The following CSMD3 variants were observed in gnomAD, a reference collection of about 807,000 sequenced individuals.
The protein encoded by CSMD3 is CUB and Sushi multiple domains 3.
A neutral mutation model predicts 435.2 loss-of-function variants in CSMD3; 177 were observed. That is an observed-to-expected ratio of 0.41 (90% confidence interval 0.36 to 0.46). The LOEUF (loss-of-function observed/expected upper bound fraction) is 0.46. Among genes scored for constraint, CSMD3 ranks in the 20% least tolerant of loss-of-function variants. CSMD3 has a pLI of 0.34. For synonymous variants in CSMD3, 1,656 were observed against 1,520.5 expected, an observed-to-expected ratio of 1.09 and a Z score of -2.07; for missense variants, 4,265 against 4,504.6, an observed-to-expected ratio of 0.95 and a Z score of 1.52.
intron 13 of CSMD3, among the ~76,000 whole-genome samples, chr8:112,756,969 A>C (rs947237199): frequency 7.9e-5 from 12 of 151,980 alleles, no homozygotes; most frequent in African/African-American, 2.7e-4. Context: ...AGGTTTCACC[A>C]TGTTGGCCAT....
intron 13 of CSMD3, among the ~76,000 whole-genome samples, chr8:112,698,048 G>T (rs1053288716): frequency 6.6e-5 from 10 of 152,108 alleles, no homozygotes; most frequent in African/African-American, 2.4e-4. Flanking sequence ...CAGAGGTTGA[G>T]GAGATATTAG....
intron 59 of CSMD3, among the ~76,000 whole-genome samples, chr8:112,267,667 G>T (rs1485337798): frequency 6.6e-6 from 1 of 152,114 alleles, no homozygotes; most frequent in African/African-American, 2.4e-5. Flanking sequence ...TAGCCAGCCT[G>T]GTCACAGGGC....
At chr8:112,847,373 T>C (rs950294180) in intron 11 of CSMD3, among the ~76,000 whole-genome samples, 7 of 152,114 alleles carry the variant, frequency 4.6e-5, no homozygotes, top group African/African-American at 1.7e-4. Context: ...CCTATGATCA[T>C]GGGGTGCAGA....
intron 2 of CSMD3, among the ~76,000 whole-genome samples, chr8:113,295,896 C>A (rs1332803101): frequency 6.6e-6 from 1 of 152,084 alleles, no homozygotes; most frequent in Non-Finnish European, 1.5e-5. Context: ...TGGAACCTAC[C>A]CAAATGTCCA....
At chr8:112,513,244 A>G (rs947446871) in intron 28 of CSMD3, among the ~76,000 whole-genome samples, 7 of 152,206 alleles carry the variant, frequency 4.6e-5, no homozygotes, top group African/African-American at 7.2e-5. Flanking sequence ...CTATCAGCCT[A>G]TTTGGGCTTT....
chr8:112,752,202 A>G (rs2077585852), intron 13 of CSMD3, among the ~76,000 whole-genome samples: 1 of 152,112 alleles, frequency 6.6e-6, no homozygotes, highest in Non-Finnish European at 1.5e-5. Flanking sequence ...TAAGGCTTCC[A>G]GGACACTATA....
At chr8:112,977,852 T>C (rs2084910582) in intron 6 of CSMD3, among the ~76,000 whole-genome samples, 1 of 152,206 alleles carries the variant, frequency 6.6e-6, no homozygotes, top group South Asian at 2.1e-4. Flanking sequence ...GTTATATAAA[T>C]CAGGTTGCAA....
At chr8:112,426,582 T>C (rs951301908) in intron 32 of CSMD3, among the ~76,000 whole-genome samples, 16 of 152,284 alleles carry the variant, frequency 1.1e-4, no homozygotes, top group Admixed American at 5.9e-4. Flanking sequence ...TCTTAGCTAA[T>C]GTCTATTCAT....
intron 12 of CSMD3, among the ~76,000 whole-genome samples, chr8:112,829,012 A>C (rs371074718): frequency 1.1e-4 from 16 of 152,294 alleles, no homozygotes; most frequent in African/African-American, 3.6e-4. Context: ...TTAAAAAGAA[A>C]ATAAAAAGAA....
rs1332854952 is a variant in CSMD3 at position 113,090,306 on chromosome 8, T to C, written c.917+8450A>G. Among the ~76,000 whole-genome samples, 5 of 152,228 alleles carry C rather than the reference T, an allele frequency of 3.3e-5. No individual in the cohort carries two copies. In the East Asian group the frequency reaches 9.7e-4, roughly 29 times the overall value. ...GTAATGCCTAAATCAAGAAATTATA[T>C]TTTGATGATCTGAATTATTAAAAGT... On this transcript the variant is annotated intron_variant, in intron 5 of 70. Transcript: ENST00000297405.
Position 112,703,931 on chromosome 8 carries a change from A to G in CSMD3, c.1973-13881T>C, listed in dbSNP as rs896345894. Among the ~76,000 whole-genome samples, 9 of 152,220 alleles carry G rather than the reference A, an allele frequency of 5.9e-5. No individual in the cohort carries two copies. In the East Asian group the frequency reaches 1.5e-3, roughly 26 times the overall value. On this transcript the variant is annotated intron_variant, in intron 13 of 70. Coordinates refer to ENST00000297405, the MANE Select transcript of CSMD3 (RefSeq NM_198123.2). ...AAATAAATGTGTGAAGTGTTTTACA[A>G]TCATGATGTAAACACTGACATTTAA...
At chr8:112,373,001 TA>T (rs376375703) in intron 38 of CSMD3, among the ~76,000 whole-genome samples, 1 of 143,588 alleles carries the variant, frequency 7.0e-6, no homozygotes, top group Non-Finnish European at 1.5e-5. Context: ...ATTTTATATA[TA>T]AAAATATATA....
intron 6 of CSMD3, among the ~76,000 whole-genome samples, chr8:112,997,082 A>G (rs2085681400): frequency 6.6e-6 from 1 of 151,508 alleles, no homozygotes; most frequent in South Asian, 2.1e-4. Flanking sequence ...AAAAGTAACC[A>G]CATCATAAGT....
chr8:112,549,016 G>T (rs551119570), intron 27 of CSMD3, among the ~76,000 whole-genome samples: 3 of 152,120 alleles, frequency 2.0e-5, no homozygotes, highest in South Asian at 2.1e-4. Context: ...ATCTAAAATA[G>T]TGTGTTTCCA....
At chr8:112,851,123 T>G (rs1404878672) in intron 11 of CSMD3, among the ~76,000 whole-genome samples, 1 of 152,164 alleles carries the variant, frequency 6.6e-6, no homozygotes, top group Non-Finnish European at 1.5e-5. Context: ...GCTTGTTATA[T>G]TCCTTATAAT....
intron 70 of CSMD3, among the ~76,000 whole-genome samples, chr8:112,226,444 C>T (rs972192806): frequency 3.3e-5 from 5 of 152,018 alleles, no homozygotes; most frequent in African/African-American, 1.2e-4. Context: ...TGAATCATAG[C>T]CCTAAACACA....
intron 2 of CSMD3, among the ~76,000 whole-genome samples, chr8:113,280,437 T>G (rs7823590): frequency 1.3e-5 from 2 of 151,876 alleles, no homozygotes; most frequent in Non-Finnish European, 2.9e-5. Context: ...CTAGTTTTTC[T>G]AGTTTATGTG....
intron 13 of CSMD3, among the ~76,000 whole-genome samples, chr8:112,766,870 A>G (rs1200876365): frequency 1.4e-4 from 22 of 151,854 alleles, no homozygotes; most frequent in Non-Finnish European, 1.8e-4. Flanking sequence ...GGGGGTTTAA[A>G]TCCCTGCTCA....
intron 16 of CSMD3, among the ~76,000 whole-genome samples, chr8:112,667,480 C>T (rs2131713933): frequency 6.6e-6 from 1 of 152,142 alleles, no homozygotes; most frequent in African/African-American, 2.4e-5. Flanking sequence ...TAGAAATAAC[C>T]CCTGAACTGG....
Sources: allele counts gnomAD v4.1 joint callset (sites outside exome capture counted in the v4.1 genomes callset), GRCh38; gene constraint gnomAD v4.1.1; transcripts MANE v1.5; gene names NCBI Gene and HGNC (gene_info 2026-07-23, HGNC 2026-07-21).